Variants in CCDC149 observed in about 807,000 individuals in gnomAD.
The protein encoded by CCDC149 is coiled-coil domain containing 149.
A neutral mutation model predicts 59.9 loss-of-function variants in CCDC149; 45 were observed. The observed-to-expected ratio is 0.75, with a 90% CI of 0.59 to 0.96. The LOEUF is 0.96. Among genes scored for constraint, CCDC149 ranks in the 40% least tolerant of loss-of-function variants. CCDC149 has a pLI of 0.00. For synonymous variants in CCDC149, 245 were observed against 260.6 expected (o/e 0.94, Z 0.58); for missense variants, 584 against 664.7 (o/e 0.88, Z 1.33).
chr4:24,838,353 T>C, intron 4 of CCDC149, 81 bp from the exon 5 acceptor site: 1 of 969,728 alleles, frequency 1.0e-6, no homozygotes. Context: ...ACTAAGAAAC[T>C]TTTGGAAGAT....
intron 10 of CCDC149, among the ~76,000 whole-genome samples, 172 bp from the exon 11 acceptor site, chr4:24,821,259 C>A (rs1462451384): frequency 6.6e-6 from 1 of 151,392 alleles, no homozygotes; most frequent in African/African-American, 2.4e-5. Flanking sequence ...TTCACCAACT[C>A]ATTTGAGAAA....
chr4:24,902,974 G>A (rs977945876), intron 1 of CCDC149, among the ~76,000 whole-genome samples: 21 of 137,476 alleles, frequency 1.5e-4, no homozygotes, highest in African/African-American at 4.6e-4. Context: ...GCAGTGAGCC[G>A]AGACTGTGCC....
chr4:24,837,702 T>C lies in CCDC149; in HGVS notation c.490-302A>G, dbSNP rs1716633790. 6.6e-6 allele frequency among the ~76,000 whole-genome samples: 1 copy of C among 152,202 alleles called. No individual in the cohort carries two copies. Among genetic ancestry groups the C allele is most frequent in the African/African-American group, 2.4e-5 (1 of 41,454 alleles). On this transcript the variant is annotated intron_variant, in intron 5 of 12. Coordinates refer to ENST00000635206, the MANE Select transcript of CCDC149 (RefSeq NM_001330643.2). This position sits in a 1 kb window ranked among gnomAD's most constrained non-coding sequence, Gnocchi z 4.3. ...CCAGTGTCTTACAAATCCATACTTT[T>C]TCAAATCCACTCTAGACCCAGAAAT...
At chr4:24,922,159 A>G (rs901100753) in intron 1 of CCDC149, among the ~76,000 whole-genome samples, 4 of 152,146 alleles carry the variant, frequency 2.6e-5, no homozygotes, top group African/African-American at 9.7e-5. Context: ...CCAGTATTTC[A>G]TCTTAACTAA....
downstream of CCDC149, among the ~76,000 whole-genome samples, chr4:24,804,384 G>A (rs928520874): frequency 2.0e-5 from 3 of 151,372 alleles, no homozygotes; most frequent in Admixed American, 6.6e-5. Context: ...CCAGTTACTC[G>A]GGAGGCTGAG....
intron 1 of CCDC149, among the ~76,000 whole-genome samples, chr4:24,908,878 T>C (rs1421046317): frequency 6.6e-6 from 1 of 152,042 alleles, no homozygotes; most frequent in Non-Finnish European, 1.5e-5. Context: ...TATCATAGAG[T>C]GGTGGGCTGA....
chr4:24,876,144 A>T (rs1357149483), intron 2 of CCDC149, among the ~76,000 whole-genome samples: 2 of 152,082 alleles, frequency 1.3e-5, no homozygotes, highest in Non-Finnish European at 2.9e-5. Context: ...AAAAAACAAC[A>T]GTATATGTAG....
chr4:24,842,759 T>C (rs914551761), intron 4 of CCDC149, among the ~76,000 whole-genome samples: 2 of 152,160 alleles, frequency 1.3e-5, no homozygotes, highest in Admixed American at 6.5e-5. Flanking sequence ...ATGAAGCCTG[T>C]CCAGGCCTCC....
chr4:24,959,546 A>G (rs1331236054), intron 1 of CCDC149, among the ~76,000 whole-genome samples: 2 of 152,174 alleles, frequency 1.3e-5, no homozygotes, highest in Admixed American at 1.3e-4. Flanking sequence ...AAACCTGCAG[A>G]CCCAAAAAGC....
At chr4:24,804,104 T>C (rs1018298292), downstream of CCDC149, among the ~76,000 whole-genome samples, 3 of 152,174 alleles carry the variant, frequency 2.0e-5, no homozygotes, top group Non-Finnish European at 4.4e-5. Context: ...CTATCTAGTC[T>C]GAAGGGACCC....
intron 1 of CCDC149, among the ~76,000 whole-genome samples, chr4:24,880,195 G>T (rs1012839131): frequency 6.6e-6 from 1 of 152,178 alleles, no homozygotes; most frequent in Non-Finnish European, 1.5e-5. Flanking sequence ...GTTTAGATAC[G>T]TTTAGATACA....
Position 24,947,075 on chromosome 4 carries a change from T to A in CCDC149, c.-65+32994A>T, listed in dbSNP as rs566709624. On this transcript the variant is annotated intron_variant, in intron 1 of 12. Transcript: ENST00000389609. ...ATATTTTTGCAATCTTTGGATAAATTATGTTAATTTTCCCCCTTTATTAAT... is the reference window on the plus strand; with the variant it reads ...ATATTTTTGCAATCTTTGGATAAATAATGTTAATTTTCCCCCTTTATTAAT... 2.0e-5 allele frequency among the ~76,000 whole-genome samples: 3 copies of A among 152,286 alleles called. No individual in the cohort carries two copies. In the South Asian group the frequency reaches 6.2e-4, roughly 32 times the overall value.
At chr4:24,813,503 T>TATATATATAC (rs1553846379) in intron 12 of CCDC149, among the ~76,000 whole-genome samples, 26 of 135,668 alleles carry the variant, frequency 1.9e-4, no homozygotes, top group African/African-American at 7.2e-4. Flanking sequence ...TATATATATA[T>TATATATATAC]ATATATATAT....
At chr4:24,949,444 G>C (rs1327984162) in intron 1 of CCDC149, among the ~76,000 whole-genome samples, 1 of 151,404 alleles carries the variant, frequency 6.6e-6, no homozygotes, top group Non-Finnish European at 1.5e-5. Flanking sequence ...GGCAGGGAGG[G>C]GGGGTGGTGG....
chr4:24,943,479 G>A (rs2109349957), intron 1 of CCDC149, among the ~76,000 whole-genome samples: 1 of 152,084 alleles, frequency 6.6e-6, no homozygotes, highest in African/African-American at 2.4e-5. Flanking sequence ...GAAAACCTAG[G>A]CAATACCATT....
intron 1 of CCDC149, among the ~76,000 whole-genome samples, chr4:24,956,452 AG>A (rs1723468446): frequency 1.3e-5 from 2 of 152,136 alleles, no homozygotes; most frequent in Admixed American, 1.3e-4. Context: ...AACCAGACCT[AG>A]GTAATTTCGG....
At chr4:24,969,146 T>C (rs1383955186) in intron 1 of CCDC149, among the ~76,000 whole-genome samples, 3 of 152,252 alleles carry the variant, frequency 2.0e-5, no homozygotes, top group Non-Finnish European at 2.9e-5. Context: ...TAGAAATGCC[T>C]GGCATGTGCT....
chr4:24,962,711 C>A (rs1723671176), intron 1 of CCDC149, among the ~76,000 whole-genome samples: 1 of 151,226 alleles, frequency 6.6e-6, no homozygotes, highest in East Asian at 2.0e-4. Flanking sequence ...GGAAGGGGAA[C>A]ATCACACACC....
chr4:24,881,104 T>A (rs745604935), intron 1 of CCDC149, among the ~76,000 whole-genome samples: 1 of 152,052 alleles, frequency 6.6e-6, no homozygotes, highest in Non-Finnish European at 1.5e-5. Flanking sequence ...GTGGCCAGAG[T>A]ATTTCCAGAA....
Sources: allele counts gnomAD v4.1 joint callset (sites outside exome capture counted in the v4.1 genomes callset), GRCh38; gene constraint gnomAD v4.1.1; non-coding constraint Gnocchi (gnomAD v3.1); transcripts MANE v1.5; gene names NCBI Gene and HGNC (gene_info 2026-07-23, HGNC 2026-07-21).